Variants in DTNBP1 observed in about 807,000 individuals in gnomAD.
The protein encoded by DTNBP1 is dystrobrevin binding protein 1.
In DTNBP1, 35 loss-of-function variants were observed where a neutral mutation model predicts 42.8. The ratio of observed to expected loss-of-function variants is 0.82; its 90% CI spans 0.63 to 1.09. The LOEUF is 1.09. DTNBP1 is among the 50% of genes least tolerant of loss of function. DTNBP1 has a pLI of 0.00. For synonymous variants in DTNBP1, 171 were observed against 162.2 expected, an observed-to-expected ratio of 1.05 and a Z score of -0.41; for missense variants, 457 against 424.2, an observed-to-expected ratio of 1.08 and a Z score of -0.68.
intron 6 of DTNBP1, among the ~76,000 whole-genome samples, chr6:15,596,176 G>A (rs1290940151): frequency 1.3e-5 from 2 of 152,128 alleles, no homozygotes; most frequent in Non-Finnish European, 1.5e-5. Context: ...GACTCAATGG[G>A]GTAAGGAGAG....
chr6:15,584,891 C>CA (rs1174146747), intron 7 of DTNBP1, among the ~76,000 whole-genome samples: 2 of 148,058 alleles, frequency 1.4e-5, no homozygotes, highest in African/African-American at 4.9e-5. Context: ...AATTACTCAA[C>CA]AAAAAATGCA....
Position 15,523,129 on chromosome 6 carries a change from G to A in DTNBP1, c.902C>T (p.Thr301Ile), listed in dbSNP as rs202208103. ...GTCCCGGGTGGCCGAGTCGGTGCAG[G>A]TGGAGGAAGAAGAAGGTGGCTTGGC... is the stretch of plus-strand genomic sequence containing the variant. Reference protein sequence around the residue: ...LRAKPPSSSSTCTDSATRDIS... With the variant: ...LRAKPPSSSSICTDSATRDIS... Residue 301 changes from threonine to isoleucine, a missense_variant, in exon 10 of 10, where the codon ACC (threonine) becomes ATC (isoleucine). Coordinates refer to ENST00000344537, the MANE Select transcript of DTNBP1 (RefSeq NM_032122.5). The A allele has an allele frequency of 2.5e-6, 4 of 1,614,132 alleles. No individual in the cohort carries two copies. Among genetic ancestry groups the A allele is most frequent in the Non-Finnish European group, 3.4e-6 (4 of 1,180,050 alleles).
chr6:15,638,699 G>A (rs1760167353), intron 3 of DTNBP1, among the ~76,000 whole-genome samples: 2 of 152,258 alleles, frequency 1.3e-5, no homozygotes, highest in South Asian at 4.1e-4. Context: ...AACATTATGT[G>A]CCTCCTGATG....
At chr6:15,586,113 TAC>T in intron 7 of DTNBP1, 2 of 905,016 alleles carry the variant, frequency 2.2e-6, no homozygotes, top group South Asian at 1.0e-4. Context: ...GTCATCTAGG[TAC>T]AAAGATGCTT....
rs1316715314 is a variant in DTNBP1, at chr6:15,662,950, C to A, written c.-81G>T. 1 of 1,582,878 alleles carries A rather than the reference C, an allele frequency of 6.3e-7. No individual in the cohort carries two copies. ...CCCCCTGGGTCCCACGCCGCCAACCCCGCGCTGTCACCGCGCGCCCCGCAC... is the reference window on the plus strand; with the variant it reads ...CCCCCTGGGTCCCACGCCGCCAACCACGCGCTGTCACCGCGCGCCCCGCAC... On this transcript the variant is annotated 5_prime_UTR_variant, in exon 1 of 10. Transcript: ENST00000344537.
chr6:15,553,237 GAAGCACAGCCTCA>G (rs1451166446), intron 7 of DTNBP1, among the ~76,000 whole-genome samples: 1 of 152,040 alleles, frequency 6.6e-6, no homozygotes, highest in Non-Finnish European at 1.5e-5. Flanking sequence ...GACAGGCTGG[GAAGCACAGCCTCA>G]GGCCAGAAGC....
At chr6:15,615,540 C>G in intron 5 of DTNBP1, 141 bp from the exon 6 acceptor site, 1 of 1,101,018 alleles carries the variant, frequency 9.1e-7, no homozygotes, top group Non-Finnish European at 1.3e-6. Flanking sequence ...TTTCTTGAAG[C>G]AAAATAAAAT....
intron 8 of DTNBP1, among the ~76,000 whole-genome samples, chr6:15,528,090 G>A (rs888271275): frequency 1.3e-5 from 2 of 152,104 alleles, no homozygotes; most frequent in African/African-American, 2.4e-5. Context: ...CTGCAATTCC[G>A]CTCAAACTGT....
intron 6 of DTNBP1, among the ~76,000 whole-genome samples, chr6:15,609,406 G>A (rs1037739374): frequency 1.7e-4 from 25 of 151,218 alleles, no homozygotes; most frequent in African/African-American, 5.4e-4. Flanking sequence ...TGCAACCTCC[G>A]CCTCCCGGGT....
intron 7 of DTNBP1, among the ~76,000 whole-genome samples, chr6:15,560,435 A>C (rs1264302129): frequency 6.6e-6 from 1 of 152,158 alleles, no homozygotes; most frequent in Non-Finnish European, 1.5e-5. Flanking sequence ...CTTTCTCTCT[A>C]TCTGATTTCT....
intron 4 of DTNBP1, among the ~76,000 whole-genome samples, chr6:15,634,179 T>G (rs1759861798): frequency 6.6e-6 from 1 of 152,198 alleles, no homozygotes; most frequent in South Asian, 2.1e-4. Context: ...TAATCTAGAT[T>G]AATCATTTAA....
At chr6:15,643,055 A>T (rs772717249) in intron 3 of DTNBP1, among the ~76,000 whole-genome samples, 1 of 152,244 alleles carries the variant, frequency 6.6e-6, no homozygotes, top group Non-Finnish European at 1.5e-5. Flanking sequence ...GAAATCCAAT[A>T]CAAAGAAACC....
intron 8 of DTNBP1, among the ~76,000 whole-genome samples, chr6:15,531,984 C>A (rs1039845204): frequency 4.6e-5 from 7 of 152,120 alleles, no homozygotes; most frequent in African/African-American, 1.7e-4. Flanking sequence ...AACTGGATGA[C>A]AAGGAAGAAA....
rs749091412 is a variant in DTNBP1, at chr6:15,648,621, C to A, written c.161+2692G>T. On this transcript the variant is annotated intron_variant, in intron 3 of 9. Coordinates refer to ENST00000344537, the MANE Select transcript of DTNBP1 (RefSeq NM_032122.5). ...CTACCAATAAATAATTCAAAAAAAG[C>A]AATTAAGAAAACAATTTCATAAATG... is the stretch of plus-strand genomic sequence containing the variant. Among the ~76,000 whole-genome samples the A allele has an allele frequency of 4.0e-5, 6 of 151,564 alleles. No individual in the cohort carries two copies. In the South Asian group the frequency reaches 1.2e-3, roughly 31 times the overall value.
intron 7 of DTNBP1, chr6:15,585,611 T>C: frequency 1.6e-6 from 2 of 1,250,816 alleles, no homozygotes; most frequent in Non-Finnish European, 2.1e-6. Context: ...TGCTTTTTAA[T>C]AATATATCAT....
At chr6:15,546,930 T>C (rs866328234) in intron 7 of DTNBP1, among the ~76,000 whole-genome samples, 42 of 148,768 alleles carry the variant, frequency 2.8e-4, no homozygotes, top group East Asian at 7.8e-4. Context: ...TTCTTTCTTT[T>C]TTTTTTTTTT....
chr6:15,610,046 C>T (rs1436515399), intron 6 of DTNBP1, among the ~76,000 whole-genome samples: 3 of 152,120 alleles, frequency 2.0e-5, no homozygotes, highest in Non-Finnish European at 4.4e-5. Flanking sequence ...TCACTTAGTT[C>T]CTCTGTTTTC....
At chr6:15,624,867 A>G (rs1759252546) in intron 5 of DTNBP1, among the ~76,000 whole-genome samples, 1 of 152,192 alleles carries the variant, frequency 6.6e-6, no homozygotes, top group Admixed American at 6.5e-5. Context: ...AATGTTTCCA[A>G]AATCTAAGAC....
intron 4 of DTNBP1, among the ~76,000 whole-genome samples, chr6:15,630,569 G>T (rs1026671362): frequency 4.6e-5 from 7 of 151,998 alleles, no homozygotes; most frequent in Non-Finnish European, 8.8e-5. Flanking sequence ...ACTATTTATG[G>T]TATTTTTTTA....
Sources: gnomAD v4.1 joint callset for allele counts (sites outside exome capture counted in the v4.1 genomes callset) on GRCh38, gnomAD v4.1.1 for gene constraint, MANE v1.5 for transcripts, NCBI Gene and HGNC (gene_info 2026-07-23, HGNC 2026-07-21) for gene names.